The following NUDT5 variants were observed in gnomAD, a reference collection of about 807,000 sequenced individuals.
The protein encoded by NUDT5 is nudix hydrolase 5.
Under a neutral mutation model 34.1 loss-of-function variants are expected in NUDT5, and 21 were observed. That is an observed-to-expected ratio of 0.62 (90% CI 0.44 to 0.89). NUDT5 has a LOEUF of 0.89. Among genes scored for constraint, NUDT5 ranks in the 40% least tolerant of loss-of-function variants. The probability of loss-of-function intolerance (pLI) is 0.00; values close to 1 mark genes in which losing one functional copy is unlikely to be tolerated. For synonymous variants in NUDT5, 85 were observed against 97.6 expected (o/e 0.87, Z 0.76); for missense variants, 249 against 274.8 (o/e 0.91, Z 0.66).
At chr10:12,176,885 G>T (rs1834958455) in intron 5 of NUDT5, among the ~76,000 whole-genome samples, 1 of 152,076 alleles carries the variant, frequency 6.6e-6, no homozygotes, top group African/African-American at 2.4e-5. Flanking sequence ...ACTTTGGGGG[G>T]CCAAAGTGGG....
intron 5 of NUDT5, among the ~76,000 whole-genome samples, chr10:12,176,060 G>A (rs1834944862): frequency 6.6e-6 from 1 of 151,992 alleles, no homozygotes; most frequent in African/African-American, 2.4e-5. Flanking sequence ...AGCCGGGTGT[G>A]GTGGCACATG....
Position 12,170,219 on chromosome 10 carries a change from A to G in NUDT5, c.550+498T>C. ...ACATGACCAGTGATTTCTAAGGGCC[A>G]CACAGCTGGTTTGGTTTATTATGTG... On this transcript the variant is annotated intron_variant, in intron 9 of 9. Transcript: ENST00000491614. This position sits in a 1 kb window ranked among gnomAD's most constrained non-coding sequence, Gnocchi z 4.9. 6.2e-7 allele frequency: 1 copy of G among 1,609,118 alleles called. No individual in the cohort carries two copies. Among genetic ancestry groups the G allele is most frequent in the Non-Finnish European group, 8.5e-7 (1 of 1,176,476 alleles).
chr10:12,173,809 G>A lies in NUDT5; in HGVS notation c.294C>T (p.Leu98=). The change falls in exon 6 of 10, where the codon CTC becomes CTT. Residue 98 remains leucine, a synonymous_variant. Transcript: ENST00000491614. The surrounding 1 kb of genome is among the most constrained non-coding windows in gnomAD (Gnocchi z 4.7). ...GGYCIEFPAG[L]IDDGETPEAA... is the part of the protein sequence containing the mutation. The stretch of plus-strand genomic sequence containing the variant: ...CTTCTGGGGTTTCACCATCATCTAT[G>A]AGACCTGCAAGTCCAAATCATTGGT... 3 of 1,611,760 alleles carry A rather than the reference G, an allele frequency of 1.9e-6. No individual in the cohort carries two copies. Among genetic ancestry groups the A allele is most frequent in the East Asian group, 2.2e-5 (1 of 44,824 alleles).
chr10:12,186,373 C>A, intron 1 of NUDT5, 41 bp from the exon 2 acceptor site: 1 of 1,097,482 alleles, frequency 9.1e-7, no homozygotes, highest in South Asian at 1.3e-5. Flanking sequence ...AATTATTTTT[C>A]TGAATTAAAC....
rs2131696427 is a variant in NUDT5, at chr10:12,169,201, T to C, written c.551-1390A>G. The C allele has an allele frequency of 1.1e-5, 13 of 1,177,640 alleles. No homozygotes were observed. The South Asian group carries it at 1.5e-4, about 14-fold the overall frequency. The allele number at this position is 1,177,640 out of a possible 1,614,324, so 72.9% of individuals were successfully genotyped here. The stretch of plus-strand genomic sequence containing the variant: ...TTTTACCCCTCCTCCTTTATAGCCA[T>C]AGTAGCCCTCTCTCCACCTCCCCTC... On this transcript the variant is annotated intron_variant, in intron 9 of 9. Transcript: ENST00000491614. The surrounding 1 kb of genome is among the most constrained non-coding windows in gnomAD (Gnocchi z 4.8).
In NUDT5 at chr10:12,168,485, A is replaced by G. The variant is rs980053353; in HGVS notation, c.551-674T>C. On this transcript the variant is annotated intron_variant, in intron 9 of 9. Coordinates refer to ENST00000491614, the MANE Select transcript of NUDT5 (RefSeq NM_014142.4). This position sits in a 1 kb window ranked among gnomAD's most constrained non-coding sequence, Gnocchi z 4.8. ...TCTTTTCTGCTGCTAGGGGATACATATGTTCCCCCGGCAAGTTAAACTGTG... is the reference window on the plus strand; with the variant it reads ...TCTTTTCTGCTGCTAGGGGATACATGTGTTCCCCCGGCAAGTTAAACTGTG... Among the ~76,000 whole-genome samples, 4 of 152,168 alleles carry G rather than the reference A, an allele frequency of 2.6e-5. No homozygotes were observed. Among genetic ancestry groups the G allele is most frequent in the African/African-American group, 9.7e-5 (4 of 41,424 alleles).
Position 12,166,617 on chromosome 10 carries a change from C to T in NUDT5, c.*1085G>A. The stretch of plus-strand genomic sequence containing the variant: ...ATCTGGAGAGCCCTTTCATATGGTT[C>T]TCAGGGCCTGGCTTACCCGCTGGAG... On this transcript the variant is annotated 3_prime_UTR_variant, in exon 10 of 10. Transcript: ENST00000491614. 1 of 408,636 alleles carries T rather than the reference C, an allele frequency of 2.4e-6. No individual in the cohort carries two copies. Among genetic ancestry groups the T allele is most frequent in the South Asian group, 1.8e-5 (1 of 54,612 alleles). The allele number at this position is 408,636 out of a possible 1,614,324, so 25.3% of individuals were successfully genotyped here.
rs1834778431 is a variant in NUDT5 at position 12,168,837 on chromosome 10, A to G, written c.551-1026T>C. Among the ~76,000 whole-genome samples the G allele has an allele frequency of 6.6e-6, 1 of 152,056 alleles. No individual in the cohort carries two copies. The highest frequency in any genetic ancestry group is 2.4e-5 in the African/African-American group (1 of 41,380). On this transcript the variant is annotated intron_variant, in intron 9 of 9. Coordinates refer to ENST00000491614, the MANE Select transcript of NUDT5 (RefSeq NM_014142.4). This position sits in a 1 kb window ranked among gnomAD's most constrained non-coding sequence, Gnocchi z 4.8. The stretch of plus-strand genomic sequence containing the variant: ...CAGTGCAGTGCCACGATCTTGGCTC[A>G]CTGCAACCTGCGCCTCCCGGGTTCA...
rs1834661233 is a variant in NUDT5, at chr10:12,165,755, G to A, written c.*1947C>T. 6.6e-6 allele frequency: 1 copy of A among 152,194 alleles called. No individual in the cohort carries two copies. Among genetic ancestry groups the A allele is most frequent in the South Asian group, 2.1e-4 (1 of 4,828 alleles). The allele number at this position is 152,194 out of a possible 1,614,324, so 9.4% of individuals were successfully genotyped here. Reference sequence around the variant, plus strand: ...TTCATTGCTGTTTAGTTTCTTAGGTGTGGTATGTCTTACGTAGCTTATGCT... The same window carrying A: ...TTCATTGCTGTTTAGTTTCTTAGGTATGGTATGTCTTACGTAGCTTATGCT... On this transcript the variant is annotated 3_prime_UTR_variant, in exon 10 of 10. Coordinates refer to ENST00000491614, the MANE Select transcript of NUDT5 (RefSeq NM_014142.4).
At chr10:12,172,562 GAA>G (rs1414346315) in intron 7 of NUDT5, 13 of 586,444 alleles carry the variant, frequency 2.2e-5, no homozygotes, top group Non-Finnish European at 4.0e-5. Flanking sequence ...TTTTTACAAA[GAA>G]AGCGTAAAGA....
At chr10:12,172,459 G>T in intron 7 of NUDT5, 1 of 361,940 alleles carries the variant, frequency 2.8e-6, no homozygotes, top group Non-Finnish European at 5.2e-6. Flanking sequence ...GGTGATTTAA[G>T]TTTCTCACTG....
At chr10:12,177,385 G>A (rs1033158587) in intron 5 of NUDT5, among the ~76,000 whole-genome samples, 24 of 151,916 alleles carry the variant, frequency 1.6e-4, no homozygotes, top group Non-Finnish European at 2.4e-4. Context: ...CGGGCGTGGT[G>A]GCGGGCGCCT....
At chr10:12,180,925 T>C (rs962823475) in intron 3 of NUDT5, among the ~76,000 whole-genome samples, 1 of 152,230 alleles carries the variant, frequency 6.6e-6, no homozygotes, top group Admixed American at 6.5e-5. Context: ...CGGCACTGTC[T>C]TGAATGTCAA....
In NUDT5 at chr10:12,168,490, C is replaced by A. The variant is rs191408656; in HGVS notation, c.551-679G>T. On this transcript the variant is annotated intron_variant, in intron 9 of 9. Coordinates refer to ENST00000491614, the MANE Select transcript of NUDT5 (RefSeq NM_014142.4). This position sits in a 1 kb window ranked among gnomAD's most constrained non-coding sequence, Gnocchi z 4.8. ...TCTGCTGCTAGGGGATACATATGTTCCCCCGGCAAGTTAAACTGTGTGCAT... is the reference window on the plus strand; with the variant it reads ...TCTGCTGCTAGGGGATACATATGTTACCCCGGCAAGTTAAACTGTGTGCAT... Among the ~76,000 whole-genome samples the A allele has an allele frequency of 2.0e-5, 3 of 152,240 alleles. No homozygotes were observed. Among genetic ancestry groups the A allele is most frequent in the Admixed American group, 2.0e-4 (3 of 15,296 alleles).
intron 2 of NUDT5, among the ~76,000 whole-genome samples, chr10:12,185,280 GTCC>G (rs1835107163): frequency 1.3e-5 from 2 of 152,204 alleles, no homozygotes; most frequent in South Asian, 4.2e-4. Context: ...GGGTGAGGGT[GTCC>G]TGGGACGCTC....
At position 12,184,968 on chromosome 10, in the gene NUDT5, T is replaced by C. The variant is rs201091074; in HGVS notation, c.64-12A>G. On this transcript the variant is annotated splice_polypyrimidine_tract_variant and intron_variant, in intron 2 of 9. Coordinates refer to ENST00000491614, the MANE Select transcript of NUDT5 (RefSeq NM_014142.4). ...CCTTCTGAAATTAACTAAAAGGATA[T>C]CAGATAATAAGTTGGGAAACTTTCA... 6.9e-7 allele frequency: 1 copy of C among 1,453,640 alleles called. No individual in the cohort carries two copies. The highest frequency in any genetic ancestry group is 1.7e-5 in the Admixed American group (1 of 57,616). The allele number at this position is 1,453,640 out of a possible 1,614,324, so 90.0% of individuals were successfully genotyped here.
intron 3 of NUDT5, among the ~76,000 whole-genome samples, chr10:12,179,903 G>A (rs1419340252): frequency 2.6e-5 from 4 of 152,316 alleles, no homozygotes; most frequent in South Asian, 4.1e-4. Flanking sequence ...GGCATAAAAG[G>A]AACATTCTCC....
intron 2 of NUDT5, among the ~76,000 whole-genome samples, chr10:12,185,884 A>G (rs1835118750): frequency 6.6e-6 from 1 of 152,238 alleles, no homozygotes; most frequent in African/African-American, 2.4e-5. Context: ...TTAAACACTC[A>G]TGTTAGGCCA....
chr10:12,190,341 T>C (rs574004898), intron 1 of NUDT5, among the ~76,000 whole-genome samples: 2 of 152,022 alleles, frequency 1.3e-5, no homozygotes, highest in Admixed American at 6.6e-5. Flanking sequence ...AAAACACTAG[T>C]GAGGGGAAAT....
Sources: allele counts gnomAD v4.1 joint callset (sites outside exome capture counted in the v4.1 genomes callset), GRCh38; gene constraint gnomAD v4.1.1; non-coding constraint Gnocchi (gnomAD v3.1); transcripts MANE v1.5; gene names NCBI Gene and HGNC (gene_info 2026-07-23, HGNC 2026-07-21).